The following SIK3 variants were observed in gnomAD, a reference collection of about 807,000 sequenced individuals.
The protein encoded by SIK3 is SIK family kinase 3, also known as serine/threonine-protein kinase SIK3.
A neutral mutation model predicts 144.2 loss-of-function variants in SIK3; 28 were observed. The ratio of observed to expected loss-of-function variants is 0.19; its 90% CI spans 0.14 to 0.27. The LOEUF is 0.27. SIK3 is among the 10% of genes least tolerant of loss of function. The pLI, the probability that SIK3 is intolerant of heterozygous loss-of-function variation, is 1.00. For synonymous variants in SIK3, 686 were observed against 676.3 expected, an observed-to-expected ratio of 1.01 and a Z score of -0.22; for missense variants, 1,319 against 1,776.0, an observed-to-expected ratio of 0.74 and a Z score of 4.62.
intron 1 of SIK3, among the ~76,000 whole-genome samples, chr11:117,017,213 T>C (rs1237458922): frequency 6.6e-6 from 1 of 152,132 alleles, no homozygotes; most frequent in Non-Finnish European, 1.5e-5. Flanking sequence ...GCCATAATCA[T>C]GCCACTGCAC....
In SIK3 at chr11:116,857,948, G is replaced by C; in HGVS notation, c.3517C>G (p.Pro1173Ala). ...GGTCCACCGGTACTCAAGAGCAGAG[G>C]GCTGTCATGGCAACCTTTGGTCAAT... ...STLTKGCHDS[P>A]LLLSTGGPGD... Residue 1173 changes from proline to alanine, a missense_variant, in exon 21 of 25, where the codon CCT becomes GCT. This residue lies in a region of SIK3 where 646 missense variants were observed against 763.7 expected (regional missense o/e 0.85). Coordinates refer to ENST00000445177, the MANE Select transcript of SIK3 (RefSeq NM_001366686.3). The C allele has an allele frequency of 6.2e-7, 1 of 1,614,214 alleles. No individual in the cohort carries two copies. Among genetic ancestry groups the C allele is most frequent in the Non-Finnish European group, 8.5e-7 (1 of 1,180,046 alleles).
intron 1 of SIK3, among the ~76,000 whole-genome samples, chr11:117,094,839 A>G (rs117812708): frequency 0.025 from 3,729 of 152,072 alleles, 86 homozygotes; most frequent in South Asian, 0.11. Context: ...AAGGAAATCA[A>G]AGCAGGTAGG....
At chr11:117,064,359 T>C (rs1953921458) in intron 1 of SIK3, among the ~76,000 whole-genome samples, 1 of 152,242 alleles carries the variant, frequency 6.6e-6, no homozygotes, top group East Asian at 1.9e-4. Flanking sequence ...GAAAACAGCA[T>C]ATTACTTATT....
intron 1 of SIK3, among the ~76,000 whole-genome samples, chr11:116,975,067 T>A (rs535684877): frequency 9.9e-4 from 150 of 152,234 alleles, no homozygotes; most frequent in African/African-American, 2.8e-3. Context: ...TAGATTTTTT[T>A]AAAAATTGAC....
intron 1 of SIK3, among the ~76,000 whole-genome samples, chr11:117,044,063 A>G (rs1952856081): frequency 6.6e-6 from 1 of 152,366 alleles, no homozygotes; most frequent in East Asian, 1.9e-4. Flanking sequence ...GATTTTGTCA[A>G]TAAGCAAAGG....
intron 3 of SIK3, among the ~76,000 whole-genome samples, chr11:116,937,032 G>A (rs1229686004): frequency 6.6e-6 from 1 of 152,162 alleles, no homozygotes; most frequent in Non-Finnish European, 1.5e-5. Context: ...TCCATAATTT[G>A]TGTCTAATGA....
intron 1 of SIK3, among the ~76,000 whole-genome samples, chr11:116,970,492 T>G (rs1949728018): frequency 6.6e-6 from 1 of 152,124 alleles, no homozygotes; most frequent in South Asian, 2.1e-4. Context: ...AGTTATTATT[T>G]CTTTTATTTT....
intron 6 of SIK3, among the ~76,000 whole-genome samples, chr11:116,878,595 G>T (rs536696503): frequency 2.6e-4 from 39 of 152,118 alleles, no homozygotes; most frequent in Non-Finnish European, 5.1e-4. Flanking sequence ...GGCCAGGCTG[G>T]TCTCGAACAA....
intron 6 of SIK3, among the ~76,000 whole-genome samples, chr11:116,893,154 A>G (rs1426330583): frequency 6.6e-6 from 1 of 152,192 alleles, no homozygotes; most frequent in Non-Finnish European, 1.5e-5. Flanking sequence ...ACATTTACCA[A>G]AACCCACAGA....
intron 21 of SIK3, among the ~76,000 whole-genome samples, chr11:116,855,109 A>AAAAAC (rs1942796350): frequency 7.4e-6 from 1 of 135,726 alleles, no homozygotes; most frequent in African/African-American, 2.6e-5. Flanking sequence ...AAAAAAAAAA[A>AAAAAC]CTTGAGTTTT....
intron 15 of SIK3, 185 bp from the exon 16 acceptor site, chr11:116,864,003 C>G: frequency 1.9e-6 from 1 of 530,970 alleles, no homozygotes; most frequent in Non-Finnish European, 3.3e-6. Context: ...TTAGAGGGCT[C>G]CAGGTGTACA....
At chr11:117,014,136 G>T (rs1951418929) in intron 1 of SIK3, among the ~76,000 whole-genome samples, 1 of 150,966 alleles carries the variant, frequency 6.6e-6, no homozygotes, top group Non-Finnish European at 1.5e-5. Flanking sequence ...TCAGCCACCA[G>T]GCCCAGTCCA....
chr11:116,943,011 A>G (rs2135288375), intron 3 of SIK3, among the ~76,000 whole-genome samples: 2 of 152,286 alleles, frequency 1.3e-5, no homozygotes. Flanking sequence ...GGCTTAGACC[A>G]GATTGGTAGT....
chr11:116,876,323 A>G lies in SIK3; in HGVS notation c.1025T>C (p.Val342Ala), dbSNP rs1379371420. Reference protein sequence around the residue: ...ECQQLKEERQVDPLNEDVLLA... With the variant: ...ECQQLKEERQADPLNEDVLLA... ...GAGGACATCCTCATTCAGGGGGTCC[A>G]CCTGTCTTTCTTCCTTTAGTTGTTG... The change falls in exon 8 of 25, where the codon GTG becomes GCG. Residue 342 changes from valine to alanine, a missense_variant. Coordinates refer to ENST00000445177, the MANE Select transcript of SIK3 (RefSeq NM_001366686.3). The G allele has an allele frequency of 4.3e-6, 7 of 1,614,124 alleles. No homozygotes were observed. In the African/African-American group the frequency reaches 9.3e-5, roughly 22 times the overall value.
intron 1 of SIK3, among the ~76,000 whole-genome samples, chr11:117,012,337 T>A (rs1308683115): frequency 1.3e-5 from 2 of 152,150 alleles, no homozygotes; most frequent in East Asian, 3.9e-4. Context: ...ACCATTATAT[T>A]GGAGCATAGA....
rs1292973843 is a variant in SIK3 at position 117,036,653 on chromosome 11, T to C, written c.273+61490A>G. 3.3e-5 allele frequency among the ~76,000 whole-genome samples: 5 copies of C among 152,356 alleles called. No individual in the cohort carries two copies. In the South Asian group the frequency reaches 6.2e-4, roughly 19 times the overall value. ...ATTATTCTATCACAGTCAACTTGTG[T>C]TAACATATCGTTAATTCTTCCAGAA... On this transcript the variant is annotated intron_variant, in intron 1 of 24. Coordinates refer to ENST00000445177, the MANE Select transcript of SIK3 (RefSeq NM_001366686.3).
chr11:116,979,823 G>A (rs1330785048), intron 1 of SIK3, among the ~76,000 whole-genome samples: 1 of 151,964 alleles, frequency 6.6e-6, no homozygotes, highest in Admixed American at 6.6e-5. Flanking sequence ...CTCTAGCCTG[G>A]CCAACAGAGC....
chr11:117,057,039 C>A (rs529676633), intron 1 of SIK3, among the ~76,000 whole-genome samples: 17 of 152,284 alleles, frequency 1.1e-4, no homozygotes, highest in Admixed American at 9.2e-4. Context: ...TTGTAAGAAA[C>A]AACAGAGATC....
rs957417238 is a variant in SIK3, at chr11:116,846,084, C to T, written c.*13+299G>A. 2.6e-5 allele frequency among the ~76,000 whole-genome samples: 4 copies of T among 152,196 alleles called. No homozygotes were observed. Among genetic ancestry groups the T allele is most frequent in the Non-Finnish European group, 4.4e-5 (3 of 68,032 alleles). ...ACCTGCATCCTCTGGAGCCGTAGCTCACTTCTGTCGCTATGAAGGCTAGAG... is the reference window on the plus strand; with the variant it reads ...ACCTGCATCCTCTGGAGCCGTAGCTTACTTCTGTCGCTATGAAGGCTAGAG... On this transcript the variant is annotated intron_variant, in intron 24 of 24. Coordinates refer to ENST00000445177, the MANE Select transcript of SIK3 (RefSeq NM_001366686.3). This position sits in a 1 kb window ranked among gnomAD's most constrained non-coding sequence, Gnocchi z 4.1.
Sources: allele counts gnomAD v4.1 joint callset (sites outside exome capture counted in the v4.1 genomes callset), GRCh38; gene constraint gnomAD v4.1.1; regional missense constraint gnomAD v4.1.1; non-coding constraint Gnocchi (gnomAD v3.1); transcripts MANE v1.5; gene names NCBI Gene and HGNC (gene_info 2026-07-23, HGNC 2026-07-21).